The following SIPA1L1 variants were observed in gnomAD, a reference collection of about 807,000 sequenced individuals.
SIPA1L1 encodes the protein signal induced proliferation associated 1 like 1, also known as signal-induced proliferation-associated 1-like protein 1.
In SIPA1L1, 26 loss-of-function variants were observed where a neutral mutation model predicts 162.7. The observed-to-expected ratio is 0.16, with a 90% CI of 0.12 to 0.22. The LOEUF is 0.22. Ranked by LOEUF, SIPA1L1 falls within the 10% of genes least tolerant of loss-of-function variation. The pLI is 1.00. For missense variants in SIPA1L1, 1,874 were observed against 2,241.0 expected (o/e 0.84, Z 3.31); for synonymous variants, 829 against 837.4 (o/e 0.99, Z 0.17).
intron 4 of SIPA1L1, among the ~76,000 whole-genome samples, chr14:71,585,092 A>G (rs1469360995): frequency 1.4e-5 from 2 of 144,038 alleles, no homozygotes; most frequent in Admixed American, 6.9e-5. Context: ...TCAGTGCCCA[A>G]AGTTTATATT....
chr14:71,368,558 CATT>C (rs1172958055), intron 2 of SIPA1L1, among the ~76,000 whole-genome samples: 3 of 127,556 alleles, frequency 2.4e-5, no homozygotes, highest in Non-Finnish European at 4.9e-5. Context: ...TCCAGTCTAT[CATT>C]GTTGGACATT....
chr14:71,412,621 C>T (rs1015246000), intron 2 of SIPA1L1, among the ~76,000 whole-genome samples: 4 of 152,034 alleles, frequency 2.6e-5, no homozygotes, highest in Non-Finnish European at 5.9e-5. Context: ...GCCTAATGTC[C>T]GGGGTGATAG....
At chr14:71,420,027 A>T (rs992703483) in intron 2 of SIPA1L1, among the ~76,000 whole-genome samples, 1 of 152,174 alleles carries the variant, frequency 6.6e-6, no homozygotes, top group African/African-American at 2.4e-5. Context: ...TCTCAAAAAA[A>T]CAAAACAAAA....
At chr14:71,334,430 T>C (rs2034876668) in intron 2 of SIPA1L1, among the ~76,000 whole-genome samples, 1 of 152,182 alleles carries the variant, frequency 6.6e-6, no homozygotes, top group South Asian at 2.1e-4. Flanking sequence ...ATGTGAAAGC[T>C]TTCTCTTTGA....
At chr14:71,625,288 C>T (rs2039854935) in intron 7 of SIPA1L1, among the ~76,000 whole-genome samples, 1 of 149,968 alleles carries the variant, frequency 6.7e-6, no homozygotes, top group South Asian at 2.1e-4. Context: ...TTAGATGTCT[C>T]TTTTCTCTCT....
intron 12 of SIPA1L1, among the ~76,000 whole-genome samples, chr14:71,681,381 G>A (rs931869009): frequency 2.6e-5 from 4 of 152,206 alleles, no homozygotes; most frequent in Non-Finnish European, 5.9e-5. Flanking sequence ...ATTGCATAGA[G>A]TGGTCAACCC....
At chr14:71,648,739 C>T (rs574164411) in intron 7 of SIPA1L1, among the ~76,000 whole-genome samples, 1 of 152,308 alleles carries the variant, frequency 6.6e-6, no homozygotes, top group East Asian at 1.9e-4. Flanking sequence ...ATATGTTTGC[C>T]TAAATTTGCT....
At chr14:71,635,081 C>T (rs1030459388) in intron 7 of SIPA1L1, among the ~76,000 whole-genome samples, 1 of 152,034 alleles carries the variant, frequency 6.6e-6, no homozygotes, top group Non-Finnish European at 1.5e-5. Context: ...AGTTCGAGAC[C>T]AGCCTGCCTA....
chr14:71,561,913 T>A (rs2056828360), intron 4 of SIPA1L1, among the ~76,000 whole-genome samples: 1 of 152,184 alleles, frequency 6.6e-6, no homozygotes, highest in South Asian at 2.1e-4. Flanking sequence ...TACTTATTTT[T>A]TTTCCTCTTG....
At chr14:71,519,746 TGCTTGA>T (rs2052113001) in intron 3 of SIPA1L1, among the ~76,000 whole-genome samples, 1 of 151,910 alleles carries the variant, frequency 6.6e-6, no homozygotes, top group South Asian at 2.1e-4. Context: ...GCAGGATTAT[TGCTTGA>T]GCCCAGGAGT....
At chr14:71,358,067 C>T (rs954113870) in intron 2 of SIPA1L1, among the ~76,000 whole-genome samples, 18 of 152,010 alleles carry the variant, frequency 1.2e-4, no homozygotes, top group African/African-American at 4.3e-4. Flanking sequence ...TGCCATGTTG[C>T]CCAGGCTGGT....
intron 2 of SIPA1L1, among the ~76,000 whole-genome samples, chr14:71,448,321 A>T (rs2045567458): frequency 6.6e-6 from 1 of 152,178 alleles, no homozygotes; most frequent in African/African-American, 2.4e-5. Flanking sequence ...CATGTGCCAC[A>T]GAGTTTCCTA....
At chr14:71,723,352 C>G (rs1010381735) in intron 17 of SIPA1L1, among the ~76,000 whole-genome samples, 3 of 152,218 alleles carry the variant, frequency 2.0e-5, no homozygotes, top group African/African-American at 7.2e-5. Context: ...ACTTCCGTGA[C>G]AAACGTCAGT....
intron 17 of SIPA1L1, among the ~76,000 whole-genome samples, chr14:71,720,331 A>G (rs184682090): frequency 7.2e-4 from 109 of 152,310 alleles, no homozygotes; most frequent in African/African-American, 2.5e-3. Flanking sequence ...CTGTAATCCT[A>G]GCACTTTGGG....
intron 7 of SIPA1L1, among the ~76,000 whole-genome samples, chr14:71,631,090 A>C (rs1444003718): frequency 6.6e-6 from 1 of 152,030 alleles, no homozygotes; most frequent in Non-Finnish European, 1.5e-5. Flanking sequence ...CTCATTGTTC[A>C]GTTCCCACCT....
intron 4 of SIPA1L1, among the ~76,000 whole-genome samples, chr14:71,541,152 A>G (rs563326205): frequency 2.5e-4 from 38 of 152,184 alleles, no homozygotes; most frequent in Admixed American, 8.5e-4. Context: ...TTTATGCTAT[A>G]TGGAAGATAA....
chr14:71,653,865 A>G (rs534176636), intron 8 of SIPA1L1, among the ~76,000 whole-genome samples: 6 of 152,276 alleles, frequency 3.9e-5, no homozygotes, highest in Admixed American at 3.9e-4. Flanking sequence ...TAACATGCCC[A>G]TGGTTAGATA....
rs758531666 is a variant in SIPA1L1, at chr14:71,587,965, T to C, written c.93T>C (p.Thr31=). ...CAGACGGCACCCCCAAAGTCCACACTGATGATTTCTACATGCGGCGCTTCC... is the reference window on the plus strand; with the variant it reads ...CAGACGGCACCCCCAAAGTCCACACCGATGATTTCTACATGCGGCGCTTCC... ...VGTDGTPKVH[T]DDFYMRRFRS... Residue 31 remains threonine, a synonymous_variant, in exon 5 of 24, where the codon ACT becomes ACC. Coordinates refer to ENST00000381232, the MANE Select transcript of SIPA1L1 (RefSeq NM_001386936.1). The C allele has an allele frequency of 6.8e-6, 11 of 1,613,976 alleles. No individual in the cohort carries two copies. The South Asian group carries it at 1.1e-4, about 16-fold the overall frequency.
chr14:71,586,225 ATTT>A (rs531384892), intron 4 of SIPA1L1: 254 of 140,646 alleles, frequency 1.8e-3, no homozygotes, highest in Non-Finnish European at 2.7e-3. Context: ...GGCAGCATGC[ATTT>A]TTTTTTTTTT....
Sources: allele counts gnomAD v4.1 joint callset (sites outside exome capture counted in the v4.1 genomes callset), GRCh38; gene constraint gnomAD v4.1.1; transcripts MANE v1.5; gene names NCBI Gene and HGNC (gene_info 2026-07-23, HGNC 2026-07-21).